The following ARMC2 variants were observed in gnomAD, a reference collection of about 807,000 sequenced individuals.
The protein encoded by ARMC2 is armadillo repeat-containing protein 2.
ARMC2 carries 67 observed loss-of-function variants against 90.3 expected under a neutral mutation model. The observed-to-expected ratio is 0.74, with a 90% confidence interval of 0.61 to 0.91. The LOEUF (loss-of-function observed/expected upper bound fraction) is 0.91, where lower values mean the gene tolerates loss of function less well. Ranked by LOEUF, ARMC2 falls within the 40% of genes least tolerant of loss-of-function variation. The pLI, the probability that ARMC2 is intolerant of heterozygous loss-of-function variation, is 0.00. For missense variants in ARMC2, 920 were observed against 1,030.9 expected, an observed-to-expected ratio of 0.89 and a Z score of 1.47; for synonymous variants, 393 against 393.0, an observed-to-expected ratio of 1.00 and a Z score of 0.00.
At chr6:108,896,294 C>G (rs1397186824) in intron 6 of ARMC2, among the ~76,000 whole-genome samples, 1 of 152,112 alleles carries the variant, frequency 6.6e-6, no homozygotes, top group Non-Finnish European at 1.5e-5. Flanking sequence ...GCTTGACTTA[C>G]CCAATTTCCT....
chr6:108,944,776 C>T (rs983762697), intron 12 of ARMC2, among the ~76,000 whole-genome samples: 1 of 151,996 alleles, frequency 6.6e-6, no homozygotes, highest in African/African-American at 2.4e-5. Flanking sequence ...AGTGGGCCTC[C>T]GTTTCCATCT....
intron 11 of ARMC2, among the ~76,000 whole-genome samples, chr6:108,934,728 G>A (rs1775823704): frequency 6.6e-6 from 1 of 152,092 alleles, no homozygotes. Flanking sequence ...GTTTCAAAAA[G>A]TTATGTTTTT....
chr6:108,916,798 G>C (rs933389135), intron 10 of ARMC2, among the ~76,000 whole-genome samples: 1 of 152,148 alleles, frequency 6.6e-6, no homozygotes, highest in Non-Finnish European at 1.5e-5. Flanking sequence ...GGAGCTGAAG[G>C]AAACTCCTGG....
intron 5 of ARMC2, among the ~76,000 whole-genome samples, chr6:108,878,968 C>T (rs1777206305): frequency 6.6e-6 from 1 of 151,752 alleles, no homozygotes; most frequent in Admixed American, 6.6e-5. Flanking sequence ...CATTCATCCA[C>T]CCATCCAACT....
At position 108,880,171 on chromosome 6, in the gene ARMC2, T is replaced by C. The variant is rs555654978; in HGVS notation, c.671+3821T>C. On this transcript the variant is annotated intron_variant, in intron 5 of 17. Coordinates refer to ENST00000392644, the MANE Select transcript of ARMC2 (RefSeq NM_032131.6). ...GAACTACACAACATGAAGCAAACTTTACACTGCAGTATAGGCTTGATTTTT... is the reference window on the plus strand; with the variant it reads ...GAACTACACAACATGAAGCAAACTTCACACTGCAGTATAGGCTTGATTTTT... 8.4e-4 allele frequency: 299 copies of C among 356,582 alleles called. 2 individuals are homozygous for C. Among genetic ancestry groups the C allele is most frequent in the Middle Eastern group, 4.0e-3 (4 of 994 alleles). The allele number at this position is 356,582 out of a possible 1,614,324, so 22.1% of individuals were successfully genotyped here.
Position 108,971,615 on chromosome 6 carries a change from T to C in ARMC2, c.2447-1742T>C, listed in dbSNP as rs536023852. Among the ~76,000 whole-genome samples the C allele has an allele frequency of 2.7e-4, 41 of 152,144 alleles. No individual in the cohort carries two copies. The South Asian group carries it at 7.1e-3, about 26-fold the overall frequency. On this transcript the variant is annotated intron_variant, in intron 17 of 17. Coordinates refer to ENST00000392644, the MANE Select transcript of ARMC2 (RefSeq NM_032131.6). ...GAAGCATTTTGTAATAGGATTTTCA[T>C]TGGCCCTTAAAAAAAAAGTATCGGC...
At chr6:108,959,099 A>G (rs1416858770) in intron 13 of ARMC2, among the ~76,000 whole-genome samples, 1 of 152,218 alleles carries the variant, frequency 6.6e-6, no homozygotes, top group Non-Finnish European at 1.5e-5. Context: ...AGAGGAAGTC[A>G]GGTCTTTATT....
intron 2 of ARMC2, among the ~76,000 whole-genome samples, chr6:108,857,225 A>C (rs1454811044): frequency 2.0e-5 from 3 of 152,156 alleles, no homozygotes; most frequent in African/African-American, 7.2e-5. Context: ...TCATTTATTT[A>C]GTTTTTTGAT....
rs150723552 is a variant in ARMC2, at chr6:108,940,220, C to T, written c.1596+3221C>T. Among the ~76,000 whole-genome samples, 1,092 of 152,260 alleles carry T rather than the reference C, an allele frequency of 7.2e-3. 22 individuals carry two copies. Among genetic ancestry groups the T allele is most frequent in the African/African-American group, 0.025 (1,056 of 41,540 alleles). On this transcript the variant is annotated intron_variant, in intron 12 of 17. Transcript: ENST00000392644. Reference sequence around the variant, plus strand: ...GGCAGAGGCTGCAGTGAGCCGAGATCGTGCCACTGCACTCCAGCCTGGGTG... The same window carrying T: ...GGCAGAGGCTGCAGTGAGCCGAGATTGTGCCACTGCACTCCAGCCTGGGTG...
intron 12 of ARMC2, among the ~76,000 whole-genome samples, chr6:108,950,035 G>A (rs570810873): frequency 3.3e-5 from 5 of 152,216 alleles, no homozygotes; most frequent in South Asian, 2.1e-4. Context: ...GTGAAACCGC[G>A]TCTCTACTAA....
chr6:109,001,631 C>T, the ARMC2 span: 1 of 704,868 alleles, frequency 1.4e-6, no homozygotes, highest in Non-Finnish European at 2.4e-6. Flanking sequence ...TTAAACTCAA[C>T]TGGTTGAAAG....
At chr6:108,937,157 T>C (rs1419966988) in intron 12 of ARMC2, among the ~76,000 whole-genome samples, 158 bp downstream of exon 12, 3 of 152,178 alleles carry the variant, frequency 2.0e-5, no homozygotes, top group Non-Finnish European at 4.4e-5. Context: ...AAGTTACCTA[T>C]AGGAGTTGAA....
chr6:108,903,588 A>C (rs563237606), intron 7 of ARMC2, among the ~76,000 whole-genome samples: 1 of 152,346 alleles, frequency 6.6e-6, no homozygotes, highest in East Asian at 1.9e-4. Context: ...TATTCTATAC[A>C]ATATTCTCAC....
intron 17 of ARMC2, among the ~76,000 whole-genome samples, chr6:108,970,184 T>G (rs1778666495): frequency 6.6e-6 from 1 of 152,244 alleles, no homozygotes; most frequent in South Asian, 2.1e-4. Flanking sequence ...TTAGACCTCA[T>G]TTCTCTTACC....
At chr6:108,865,190 C>T (rs910599050) in intron 3 of ARMC2, among the ~76,000 whole-genome samples, 1 of 151,932 alleles carries the variant, frequency 6.6e-6, no homozygotes, top group Non-Finnish European at 1.5e-5. Flanking sequence ...ATCATGTTGG[C>T]TAGGCTGGTC....
At chr6:109,036,372 C>T in the ARMC2 span, among the ~76,000 whole-genome samples, 1 of 152,108 alleles carries the variant, frequency 6.6e-6, no homozygotes, top group Non-Finnish European at 1.5e-5. Context: ...TAACTTTAGA[C>T]TGTAGTCCTT....
chr6:108,848,912 G>C (rs1463309192), intron 1 of ARMC2: 1 of 152,264 alleles, frequency 6.6e-6, no homozygotes, highest in Non-Finnish European at 1.5e-5. Context: ...TGAGTGCCCT[G>C]TGCATGCTGT....
At chr6:108,889,614 A>AT (rs1451901366) in intron 5 of ARMC2, among the ~76,000 whole-genome samples, 1 of 151,368 alleles carries the variant, frequency 6.6e-6, no homozygotes, top group Non-Finnish European at 1.5e-5. Context: ...TAGTTTTAAA[A>AT]TTTTTTTTAG....
the ARMC2 span, chr6:108,998,669 G>C: frequency 1.9e-6 from 3 of 1,613,872 alleles, no homozygotes; most frequent in East Asian, 6.7e-5. Flanking sequence ...ATGTGAATGA[G>C]GCAAGAGAAT....
Sources: gnomAD v4.1 joint callset for allele counts (sites outside exome capture counted in the v4.1 genomes callset) on GRCh38, gnomAD v4.1.1 for gene constraint, MANE v1.5 for transcripts, NCBI Gene and HGNC (gene_info 2026-07-23, HGNC 2026-07-21) for gene names.